CROCC2: variants seen among roughly 807,000 people sequenced by gnomAD.
CROCC2 encodes the protein ciliary rootlet coiled-coil, rootletin family member 2, also known as ciliary rootlet coiled-coil protein 2.
CROCC2 carries 163 observed loss-of-function variants against 177.6 expected under a neutral mutation model. That is an observed-to-expected ratio of 0.92 (90% CI 0.81 to 1.05). The LOEUF (loss-of-function observed/expected upper bound fraction) is 1.05. CROCC2 is among the 50% of genes least tolerant of loss of function. The probability of loss-of-function intolerance (pLI) is 0.00; values close to 1 mark genes in which losing one functional copy is unlikely to be tolerated. For synonymous variants in CROCC2, 904 were observed against 787.3 expected, an observed-to-expected ratio of 1.15 and a Z score of -2.48; for missense variants, 1,929 against 1,797.8, an observed-to-expected ratio of 1.07 and a Z score of -1.32.
At chr2:240,937,937 G>A (rs1169573309) in intron 14 of CROCC2, among the ~76,000 whole-genome samples, 1 of 152,210 alleles carries the variant, frequency 6.6e-6, no homozygotes, top group Non-Finnish European at 1.5e-5. Flanking sequence ...GCCACCATGT[G>A]AAGAAGGTGC....
intron 7 of CROCC2, among the ~76,000 whole-genome samples, chr2:240,931,479 T>TA (rs1241600854): frequency 2.6e-5 from 4 of 152,030 alleles, no homozygotes; most frequent in African/African-American, 7.2e-5. Context: ...GTAAATCATA[T>TA]AAAAACCGAG....
rs1391789795 is a variant in CROCC2, at chr2:240,949,601, C to A, written c.2551C>A (p.Leu851Ile). Reference protein sequence around the residue: ...EMKLRQDTVRLQRQVAQQERE... With the variant: ...EMKLRQDTVRIQRQVAQQERE... ...GAAGCTGCGGCAGGACACGGTGCGGCTCCAGCGACAGGTGGCACAGCAGGA... is the reference window on the plus strand; with the variant it reads ...GAAGCTGCGGCAGGACACGGTGCGGATCCAGCGACAGGTGGCACAGCAGGA... Residue 851 changes from leucine to isoleucine, a missense_variant, in exon 17 of 32, where the codon CTC becomes ATC. Transcript: ENST00000690015. The surrounding 1 kb of genome is among the most constrained non-coding windows in gnomAD (Gnocchi z 4.5). 2 of 1,550,590 alleles carry A rather than the reference C, an allele frequency of 1.3e-6. No individual in the cohort carries two copies. The highest frequency in any genetic ancestry group is 1.7e-6 in the Non-Finnish European group (2 of 1,146,976).
chr2:240,948,475 G>A (rs1162600466), intron 15 of CROCC2, among the ~76,000 whole-genome samples: 1 of 152,200 alleles, frequency 6.6e-6, no homozygotes, highest in Non-Finnish European at 1.5e-5. Flanking sequence ...TGATGTGTTT[G>A]TACGTGTTGT....
In CROCC2 at chr2:240,965,823, A is replaced by G. The variant is rs868240780; in HGVS notation, c.3791A>G (p.Gln1264Arg). 1.9e-5 allele frequency: 28 copies of G among 1,458,470 alleles called. 1 individual carries two copies. In the Middle Eastern group the frequency reaches 9.0e-4, roughly 47 times the overall value. 90.3% of individuals were successfully genotyped at this position (1,458,470 alleles called of 1,614,324 possible). A position where few individuals can be genotyped will look rare whatever the true frequency, so the allele number is the denominator to read the frequency against. Reference sequence around the variant, plus strand: ...GATGCTCTCCAGGCTCGCCTGGACCAGGCCTGTCACCGAATCCACAGCCTG... The same window carrying G: ...GATGCTCTCCAGGCTCGCCTGGACCGGGCCTGTCACCGAATCCACAGCCTG... ...VADALQARLD[Q>R]ACHRIHSLEQ... The change falls in exon 24 of 32, where the codon CAG becomes CGG. Residue 1264 changes from glutamine to arginine, a missense_variant. By Grantham distance (43) the Gln-to-Arg change is conservative (BLOSUM62 1). This residue lies in a region of CROCC2 where 144 missense variants were observed against 205.2 expected (regional missense o/e 0.70). Transcript: ENST00000690015.
intron 28 of CROCC2, among the ~76,000 whole-genome samples, chr2:240,985,667 AC>A (rs2059835144): frequency 1.4e-5 from 1 of 72,152 alleles, no homozygotes; most frequent in African/African-American, 6.4e-5. Flanking sequence ...CAGCACACAC[AC>A]CCAGGCACTC....
intron 4 of CROCC2, among the ~76,000 whole-genome samples, chr2:240,922,856 G>C (rs879392905): frequency 3.9e-5 from 6 of 152,158 alleles, no homozygotes; most frequent in Non-Finnish European, 7.4e-5. Context: ...GGACTGACTT[G>C]AGTGGCTGGG....
intron 5 of CROCC2, among the ~76,000 whole-genome samples, chr2:240,928,420 T>TTGTGTGTGTGTG (rs58145871): frequency 0.025 from 3,677 of 147,714 alleles, 155 homozygotes; most frequent in African/African-American, 0.083. Context: ...TGTGCCTGTT[T>TTGTGTGTGTGTG]TGTGTGTGTG....
chr2:240,963,957 A>T (rs1040526792), intron 21 of CROCC2, 184 bp downstream of exon 21: 9 of 640,524 alleles, frequency 1.4e-5, no homozygotes, highest in Admixed American at 2.8e-5. Flanking sequence ...AATGCTGGCC[A>T]GTGCGAGGGA....
intron 1 of CROCC2, among the ~76,000 whole-genome samples, chr2:240,909,198 G>A (rs1247076057): frequency 7.9e-6 from 1 of 127,152 alleles, no homozygotes; most frequent in East Asian, 2.4e-4. Flanking sequence ...CACCTGGGGT[G>A]AGCTCTACCT....
At chr2:240,971,497 A>G (rs1376895338) in intron 27 of CROCC2, among the ~76,000 whole-genome samples, 1 of 152,206 alleles carries the variant, frequency 6.6e-6, no homozygotes, top group Non-Finnish European at 1.5e-5. Context: ...GATGGGTTCA[A>G]GAAATGTGCG....
chr2:240,914,965 G>A (rs1025717963), intron 1 of CROCC2, among the ~76,000 whole-genome samples: 12 of 152,250 alleles, frequency 7.9e-5, no homozygotes, highest in Non-Finnish European at 1.5e-4. Flanking sequence ...GGGAATCAGC[G>A]CAAGAGCGTG....
intron 25 of CROCC2, among the ~76,000 whole-genome samples, 170 bp downstream of exon 25, chr2:240,966,579 C>T (rs988761816): frequency 6.6e-6 from 1 of 152,148 alleles, no homozygotes. Context: ...GCCCAAGTGC[C>T]TTGGGTGGCT....
intron 5 of CROCC2, among the ~76,000 whole-genome samples, chr2:240,928,263 A>G (rs1184881390): frequency 1.3e-5 from 2 of 152,228 alleles, no homozygotes; most frequent in African/African-American, 4.8e-5. Context: ...CTTTGGGGCC[A>G]CATTGAAGTA....
chr2:240,935,321 G>A, intron 13 of CROCC2, 37 bp from the exon 14 acceptor site: 1 of 1,333,862 alleles, frequency 7.5e-7, no homozygotes, highest in Non-Finnish European at 9.7e-7. Flanking sequence ...CCGAGGATGG[G>A]GGGAGTGGAT....
chr2:240,914,735 C>T (rs1040663323), intron 1 of CROCC2, among the ~76,000 whole-genome samples: 1 of 152,172 alleles, frequency 6.6e-6, no homozygotes, highest in Non-Finnish European at 1.5e-5. Flanking sequence ...TGGACGTGCT[C>T]CCCCTCCCGC....
At chr2:240,946,379 A>C (rs1484680899) in intron 15 of CROCC2, 126 bp downstream of exon 15, 2 of 999,300 alleles carry the variant, frequency 2.0e-6, no homozygotes, top group Non-Finnish European at 2.8e-6. Context: ...GTGCCCATGA[A>C]ATGGGCTGTG....
At chr2:240,929,096 A>G (rs1315239329) in intron 5 of CROCC2, among the ~76,000 whole-genome samples, 1 of 151,940 alleles carries the variant, frequency 6.6e-6, no homozygotes, top group East Asian at 1.9e-4. Flanking sequence ...TGTTCTCCGG[A>G]GGGTGTATGG....
chr2:240,974,998 G>A (rs976505581), intron 27 of CROCC2, among the ~76,000 whole-genome samples: 1 of 152,144 alleles, frequency 6.6e-6, no homozygotes, highest in Non-Finnish European at 1.5e-5. Flanking sequence ...CAGTGTCTGG[G>A]TGGATCTTTG....
chr2:240,950,008 T>G (rs2059544230), intron 17 of CROCC2, among the ~76,000 whole-genome samples: 1 of 152,120 alleles, frequency 6.6e-6, no homozygotes, highest in Admixed American at 6.5e-5. Context: ...CCCACACCCA[T>G]TAGAGCCGTC....
Sources: gnomAD v4.1 joint callset for allele counts (sites outside exome capture counted in the v4.1 genomes callset) on GRCh38, gnomAD v4.1.1 for gene constraint, gnomAD v4.1.1 regional missense constraint, Gnocchi (gnomAD v3.1) non-coding constraint, MANE v1.5 for transcripts, NCBI Gene and HGNC (gene_info 2026-07-23, HGNC 2026-07-21) for gene names.